Variants in MANEA observed in about 807,000 individuals in gnomAD.
MANEA encodes the protein mannosidase endo-alpha, also known as glycoprotein endo-alpha-1,2-mannosidase.
MANEA carries 25 observed loss-of-function variants against 36.8 expected under a neutral mutation model. That is an observed-to-expected ratio of 0.68 (90% CI 0.50 to 0.95). The LOEUF (loss-of-function observed/expected upper bound fraction) is 0.95, where lower values mean the gene tolerates loss of function less well. Ranked by LOEUF, MANEA falls within the 40% of genes least tolerant of loss-of-function variation. The probability of loss-of-function intolerance (pLI) is 0.00; values close to 1 mark genes in which losing one functional copy is unlikely to be tolerated. For missense variants in MANEA, 565 were observed against 558.8 expected (o/e 1.01, Z -0.11); for synonymous variants, 198 against 188.5 (o/e 1.05, Z -0.41).
intron 1 of MANEA, among the ~76,000 whole-genome samples, chr6:95,580,633 G>C (rs1435982824): frequency 6.6e-6 from 1 of 151,046 alleles, no homozygotes; most frequent in Admixed American, 6.6e-5. Context: ...GCTGAAGCAG[G>C]AGAATGGCAT....
chr6:95,607,840 T>TA lies in MANEA; in HGVS notation c.*1441dup, dbSNP rs549545191. On this transcript the variant is annotated 3_prime_UTR_variant, in exon 5 of 5. Coordinates refer to ENST00000358812, the MANE Select transcript of MANEA (RefSeq NM_024641.4). The stretch of plus-strand genomic sequence containing the variant: ...ATTAAGAAGAGCAATAGAATAATGC[T>TA]AAAAAATAATGCCTATAAATCTTCA... 1 of 151,682 alleles carries TA rather than the reference T, an allele frequency of 6.6e-6. No homozygotes were observed. Among genetic ancestry groups the TA allele is most frequent in the African/African-American group, 2.4e-5 (1 of 41,406 alleles). The allele number at this position is 151,682 out of a possible 1,614,324, so 9.4% of individuals were successfully genotyped here.
At position 95,586,390 on chromosome 6, in the gene MANEA, A is replaced by C. The variant is rs748231192; in HGVS notation, c.-38-12A>C. ...TAACACTTACTAATTATCTTTTTTC[A>C]ATAAATTGCAGCAAAACACTTACTA... On this transcript the variant is annotated splice_polypyrimidine_tract_variant and intron_variant, in intron 1 of 4. Coordinates refer to ENST00000358812, the MANE Select transcript of MANEA (RefSeq NM_024641.4). The C allele has an allele frequency of 1.0e-5, 15 of 1,438,514 alleles. No homozygotes were observed. The highest frequency in any genetic ancestry group is 2.2e-5 in the Admixed American group (1 of 46,346). The allele number at this position is 1,438,514 out of a possible 1,614,324, so 89.1% of individuals were successfully genotyped here.
rs748357054 is a variant in MANEA at position 95,606,300 on chromosome 6, T to C, written c.1284T>C (p.Arg428=). The part of the protein sequence containing the change: ...RTSNTVYLDY[R]PHKPGLYLEL... Reference sequence around the variant, plus strand: ...GTAATACAGTGTACCTAGATTACCGTCCTCATAAACCAGGTCTTTACCTAG... The same window carrying C: ...GTAATACAGTGTACCTAGATTACCGCCCTCATAAACCAGGTCTTTACCTAG... The change falls in exon 5 of 5, where the codon CGT becomes CGC. Residue 428 remains arginine, a synonymous_variant. Transcript: ENST00000358812. 6.2e-7 allele frequency: 1 copy of C among 1,612,530 alleles called. No individual in the cohort carries two copies. Among genetic ancestry groups the C allele is most frequent in the South Asian group, 1.1e-5 (1 of 91,072 alleles).
chr6:95,581,373 CTTAAGAAATTACA>C (rs2127937298), intron 1 of MANEA, among the ~76,000 whole-genome samples: 1 of 151,884 alleles, frequency 6.6e-6, no homozygotes, highest in South Asian at 2.1e-4. Context: ...AGAGGATCAG[CTTAAGAAATTACA>C]TTCATAGGCA....
At chr6:95,596,984 A>T in intron 3 of MANEA, 138 bp downstream of exon 3, 1 of 438,250 alleles carries the variant, frequency 2.3e-6, no homozygotes, top group Non-Finnish European at 4.0e-6. Flanking sequence ...TTCATAAAGA[A>T]AATTTCTATA....
rs1769774057 is a variant in MANEA at position 95,609,145 on chromosome 6, A to G, written c.*2740A>G. 1 of 151,782 alleles carries G rather than the reference A, an allele frequency of 6.6e-6. No individual in the cohort carries two copies. The highest frequency in any genetic ancestry group is 2.4e-5 in the African/African-American group (1 of 41,416). 9.4% of individuals were successfully genotyped at this position (151,782 alleles called of 1,614,324 possible). A position where few individuals can be genotyped will look rare whatever the true frequency, so the allele number is the denominator to read the frequency against. On this transcript the variant is annotated 3_prime_UTR_variant, in exon 5 of 5. Transcript: ENST00000358812. ...AGCAAAGAATGTATTTCTTAATTCA[A>G]AACTATACGTTTGAATTCAATATGG... is the stretch of plus-strand genomic sequence containing the variant.
In MANEA at chr6:95,586,411, T is replaced by TA. The variant is rs369654318; in HGVS notation, c.-28dup. 8.9e-5 allele frequency: 138 copies of TA among 1,550,174 alleles called. No individual in the cohort carries two copies. The African/African-American group carries it at 1.7e-3, about 19-fold the overall frequency. On this transcript the variant is annotated 5_prime_UTR_variant, in exon 2 of 5. An upstream open reading frame in the 5' UTR gains an earlier in-frame stop. Coordinates refer to ENST00000358812, the MANE Select transcript of MANEA (RefSeq NM_024641.4). ...TTTCAATAAATTGCAGCAAAACACT[T>TA]ACTATTTTGGAGTTTAAAGTATGTC... is the stretch of plus-strand genomic sequence containing the variant.
intron 1 of MANEA, among the ~76,000 whole-genome samples, chr6:95,580,636 A>C (rs1281659525): frequency 6.6e-6 from 1 of 151,624 alleles, no homozygotes; most frequent in Non-Finnish European, 1.5e-5. Context: ...GAAGCAGGAG[A>C]ATGGCATGAA....
intron 3 of MANEA, among the ~76,000 whole-genome samples, chr6:95,603,810 C>A (rs1235232018): frequency 6.6e-6 from 1 of 151,816 alleles, no homozygotes; most frequent in Non-Finnish European, 1.5e-5. Context: ...AATCCTCATT[C>A]TTTGTTTTAT....
intron 3 of MANEA, among the ~76,000 whole-genome samples, chr6:95,601,313 C>T (rs1769585841): frequency 6.6e-6 from 1 of 152,198 alleles, no homozygotes; most frequent in African/African-American, 2.4e-5. Flanking sequence ...TAGATTCCGT[C>T]ATTGTTTAGC....
chr6:95,600,057 A>T (rs1289388478), intron 3 of MANEA, among the ~76,000 whole-genome samples: 2 of 152,178 alleles, frequency 1.3e-5, no homozygotes, highest in African/African-American at 4.8e-5. Context: ...ACTTTCAGGA[A>T]GTTTTGAAAG....
In MANEA at chr6:95,607,974, A is replaced by G. The variant is rs1490297205; in HGVS notation, c.*1569A>G. ...TTAAACAGTGGTTTTGACACAAATTATGTTATTGAAAAGCATTATTAATGT... is the reference window on the plus strand; with the variant it reads ...TTAAACAGTGGTTTTGACACAAATTGTGTTATTGAAAAGCATTATTAATGT... On this transcript the variant is annotated 3_prime_UTR_variant, in exon 5 of 5. Coordinates refer to ENST00000358812, the MANE Select transcript of MANEA (RefSeq NM_024641.4). The G allele has an allele frequency of 6.6e-6, 1 of 151,842 alleles. No individual in the cohort carries two copies. Among genetic ancestry groups the G allele is most frequent in the Non-Finnish European group, 1.5e-5 (1 of 67,788 alleles). The allele number at this position is 151,842 out of a possible 1,614,324, so 9.4% of individuals were successfully genotyped here. A position where few individuals can be genotyped will look rare whatever the true frequency, so the allele number is the denominator to read the frequency against.
chr6:95,585,858 G>C (rs1769269599), intron 1 of MANEA, among the ~76,000 whole-genome samples: 1 of 151,960 alleles, frequency 6.6e-6, no homozygotes, highest in Non-Finnish European at 1.5e-5. Flanking sequence ...TTTACACTTA[G>C]ATTTAGAAAA....
chr6:95,606,580 A>G lies in MANEA; in HGVS notation c.*175A>G, dbSNP rs567363135. ...TACTTGTTACCCTTCACAATACCAC[A>G]TGAGAAAATATCTGAGACAAAATGT... On this transcript the variant is annotated 3_prime_UTR_variant, in exon 5 of 5. Transcript: ENST00000358812. 1.5e-5 allele frequency: 5 copies of G among 340,966 alleles called. No homozygotes were observed. The Admixed American group carries it at 2.2e-4, about 15-fold the overall frequency. 21.1% of individuals were successfully genotyped at this position (340,966 alleles called of 1,614,324 possible). A position where few individuals can be genotyped will look rare whatever the true frequency, so the allele number is the denominator to read the frequency against.
Position 95,599,894 on chromosome 6 carries a change from T to C in MANEA, c.654+3048T>C, listed in dbSNP as rs373069605. 1.8e-4 allele frequency among the ~76,000 whole-genome samples: 27 copies of C among 152,310 alleles called. No individual in the cohort carries two copies. In the East Asian group the frequency reaches 4.4e-3, roughly 25 times the overall value. ...TGAGTTCTTATTGGCATTTGAAATC[T>C]GCAAATAGGCAAGCCTCCAGGTTCT... On this transcript the variant is annotated intron_variant, in intron 3 of 4. Coordinates refer to ENST00000358812, the MANE Select transcript of MANEA (RefSeq NM_024641.4).
At chr6:95,588,201 C>G (rs1216047013) in intron 2 of MANEA, 1 of 151,962 alleles carries the variant, frequency 6.6e-6, no homozygotes, top group Non-Finnish European at 1.5e-5. Context: ...TTTAGTGCCC[C>G]TACCAGTAGA....
chr6:95,591,726 C>T (rs1010499494), intron 2 of MANEA, among the ~76,000 whole-genome samples: 16 of 152,022 alleles, frequency 1.1e-4, no homozygotes, highest in Non-Finnish European at 1.8e-4. Context: ...GAGATGGAGT[C>T]CCACCCTGTC....
At chr6:95,591,345 C>T (rs758441145) in intron 2 of MANEA, among the ~76,000 whole-genome samples, 1 of 152,034 alleles carries the variant, frequency 6.6e-6, no homozygotes, top group Admixed American at 6.6e-5. Context: ...TCTCAATGGG[C>T]AGGTTTTAGG....
At chr6:95,597,195 T>C (rs1769497790) in intron 3 of MANEA, among the ~76,000 whole-genome samples, 1 of 152,144 alleles carries the variant, frequency 6.6e-6, no homozygotes, top group Admixed American at 6.5e-5. Flanking sequence ...ATTTATAAAG[T>C]AGTTAAAAAA....
Sources: gnomAD v4.1 joint callset for allele counts (sites outside exome capture counted in the v4.1 genomes callset) on GRCh38, gnomAD v4.1.1 for gene constraint, MANE v1.5 for transcripts, NCBI Gene and HGNC (gene_info 2026-07-23, HGNC 2026-07-21) for gene names.